The following RHPN2 variants were observed in gnomAD, a reference collection of about 807,000 sequenced individuals.
RHPN2 encodes rhophilin Rho GTPase binding protein 2.
In RHPN2, 40 loss-of-function variants were observed where a neutral mutation model predicts 79.0. That is an observed-to-expected ratio of 0.51 (90% CI 0.39 to 0.66). RHPN2 has a LOEUF of 0.66. Ranked by LOEUF, RHPN2 falls within the 30% of genes least tolerant of loss-of-function variation. The pLI, the probability that RHPN2 is intolerant of heterozygous loss-of-function variation, is 0.00. For missense variants in RHPN2, 686 were observed against 883.5 expected, an observed-to-expected ratio of 0.78 and a Z score of 2.83; for synonymous variants, 285 against 363.5, an observed-to-expected ratio of 0.78 and a Z score of 2.46.
chr19:33,007,908 T>TAA, intron 7 of RHPN2, 106 bp downstream of exon 7: 2 of 1,263,274 alleles, frequency 1.6e-6, no homozygotes, highest in East Asian at 2.4e-5. Context: ...TGGAGACTGG[T>TAA]CTGGCCCTTG....
intron 11 of RHPN2, among the ~76,000 whole-genome samples, chr19:32,994,649 T>C (rs1246617863): frequency 1.3e-5 from 2 of 152,002 alleles, no homozygotes; most frequent in African/African-American, 2.4e-5. Flanking sequence ...CTTAGTGGGC[T>C]TCTCTGGCAC....
intron 3 of RHPN2, among the ~76,000 whole-genome samples, chr19:33,023,764 G>C (rs1288664402): frequency 5.9e-5 from 8 of 136,628 alleles, no homozygotes; most frequent in Non-Finnish European, 1.2e-4. Context: ...CAGCCTGGGC[G>C]ACACAGTGAG....
intron 7 of RHPN2, among the ~76,000 whole-genome samples, chr19:33,005,567 T>C (rs1325668435): frequency 7.0e-6 from 1 of 143,386 alleles, no homozygotes; most frequent in South Asian, 2.2e-4. Context: ...ATCTCTCATA[T>C]GAATCCCATC....
intron 1 of RHPN2, among the ~76,000 whole-genome samples, chr19:33,047,230 CAAGTTGACATGCAAA>C (rs1972149357): frequency 3.3e-5 from 5 of 152,126 alleles, no homozygotes; most frequent in Admixed American, 3.3e-4. Context: ...TAATTTCTGT[CAAGTTGACATGCAAA>C]AATAGATAGC....
chr19:33,036,704 G>T (rs1972058987), intron 2 of RHPN2, among the ~76,000 whole-genome samples: 1 of 152,206 alleles, frequency 6.6e-6, no homozygotes, highest in African/African-American at 2.4e-5. Context: ...TTCCAGGTGG[G>T]CGTGGGCTGG....
intron 2 of RHPN2, among the ~76,000 whole-genome samples, chr19:33,040,810 C>T (rs1371108772): frequency 2.0e-5 from 3 of 151,948 alleles, no homozygotes; most frequent in Non-Finnish European, 4.4e-5. Context: ...AAAATTTAGC[C>T]AGGCATGGTG....
At chr19:33,029,458 G>A (rs530665064) in intron 2 of RHPN2, among the ~76,000 whole-genome samples, 16 of 150,016 alleles carry the variant, frequency 1.1e-4, no homozygotes, top group African/African-American at 2.5e-4. Context: ...CCCAGGAGGC[G>A]GAGCTTGCAG....
At chr19:32,989,927 AC>A (rs1568309466) in intron 14 of RHPN2, among the ~76,000 whole-genome samples, 1 of 151,910 alleles carries the variant, frequency 6.6e-6, no homozygotes, top group Non-Finnish European at 1.5e-5. Context: ...ACACGGTGAG[AC>A]CCCCGTCTCT....
chr19:32,992,196 T>C (rs1971665746), intron 12 of RHPN2: 4 of 559,658 alleles, frequency 7.1e-6, no homozygotes, highest in Non-Finnish European at 1.3e-5. Context: ...AGGCATTGTA[T>C]TAATTATCTT....
intron 14 of RHPN2, among the ~76,000 whole-genome samples, chr19:32,989,002 A>G (rs1036181262): frequency 6.6e-6 from 1 of 152,254 alleles, no homozygotes; most frequent in African/African-American, 2.4e-5. Flanking sequence ...TTGTTGAATG[A>G]ATAAATGAGT....
At chr19:32,981,737 C>T (rs1347984083) in intron 14 of RHPN2, among the ~76,000 whole-genome samples, 1 of 136,240 alleles carries the variant, frequency 7.3e-6, no homozygotes, top group Non-Finnish European at 1.5e-5. Flanking sequence ...GATGGAGTCT[C>T]GCTCTGTCGC....
At chr19:33,003,273 G>A (rs1051779714) in intron 7 of RHPN2, among the ~76,000 whole-genome samples, 2 of 142,382 alleles carry the variant, frequency 1.4e-5, no homozygotes, top group Non-Finnish European at 3.0e-5. Context: ...CAGGAGGATT[G>A]CTTGAGCCCA....
intron 1 of RHPN2, among the ~76,000 whole-genome samples, chr19:33,048,975 TGTTC>T (rs1487130887): frequency 2.0e-5 from 3 of 152,072 alleles, no homozygotes; most frequent in African/African-American, 7.2e-5. Flanking sequence ...TTTTTTTTTC[TGTTC>T]GTATACTTTC....
intron 1 of RHPN2, among the ~76,000 whole-genome samples, chr19:33,052,986 T>TC (rs1306626013): frequency 3.3e-5 from 5 of 151,942 alleles, no homozygotes; most frequent in Non-Finnish European, 7.4e-5. Context: ...TTTTTTTTTT[T>TC]TTTGAGACGA....
At chr19:32,997,455 A>T (rs955925305) in intron 10 of RHPN2, among the ~76,000 whole-genome samples, 2 of 151,258 alleles carry the variant, frequency 1.3e-5, no homozygotes, top group East Asian at 3.9e-4. Context: ...AAGACTGGGA[A>T]TGGGGTTGTC....
intron 2 of RHPN2, among the ~76,000 whole-genome samples, chr19:33,039,373 C>T (rs1301827229): frequency 6.6e-6 from 1 of 152,132 alleles, no homozygotes; most frequent in Non-Finnish European, 1.5e-5. Flanking sequence ...GAGCTGTCAT[C>T]AACCTCAAGT....
intron 6 of RHPN2, among the ~76,000 whole-genome samples, chr19:33,009,326 C>T (rs867010685): frequency 6.6e-6 from 1 of 151,144 alleles, no homozygotes; most frequent in African/African-American, 2.4e-5. Context: ...AGCGGTGGCT[C>T]ATGCCAGTAA....
intron 2 of RHPN2, among the ~76,000 whole-genome samples, chr19:33,034,072 G>A (rs986003678): frequency 5.4e-5 from 8 of 148,750 alleles, no homozygotes; most frequent in African/African-American, 2.0e-4. Context: ...TGCCCAGGCT[G>A]GTCTCAAACT....
intron 3 of RHPN2, among the ~76,000 whole-genome samples, chr19:33,023,049 C>T (rs1971937123): frequency 6.6e-6 from 1 of 152,176 alleles, no homozygotes; most frequent in Admixed American, 6.6e-5. Context: ...TGAGTTTTCC[C>T]ATCTGCACCA....
Sources: allele counts gnomAD v4.1 joint callset (sites outside exome capture counted in the v4.1 genomes callset), GRCh38; gene constraint gnomAD v4.1.1; transcripts MANE v1.5; gene names NCBI Gene and HGNC (gene_info 2026-07-23, HGNC 2026-07-21).